PHF8: variants seen among roughly 807,000 people sequenced by gnomAD.
The protein encoded by PHF8 is histone lysine demethylase PHF8.
In PHF8, 9 loss-of-function variants were observed where a neutral mutation model predicts 74.4. That is an observed-to-expected ratio of 0.12 (90% CI 0.07 to 0.21). The LOEUF (loss-of-function observed/expected upper bound fraction) is 0.21, where lower values mean the gene tolerates loss of function less well. PHF8 is among the 10% of genes least tolerant of loss of function. PHF8 has a pLI of 1.00. For missense variants in PHF8, 478 were observed against 816.6 expected, an observed-to-expected ratio of 0.59 and a Z score of 5.05; for synonymous variants, 311 against 316.6, an observed-to-expected ratio of 0.98 and a Z score of 0.19.
chrX:53,993,843 G>C lies in PHF8; in HGVS notation c.1384C>G (p.Pro462Ala), dbSNP rs138652719. The C allele has an allele frequency of 5.9e-5, 71 of 1,206,551 alleles. No individual in the cohort carries two copies. Among genetic ancestry groups the C allele is most frequent in the Non-Finnish European group, 7.3e-5 (65 of 891,865 alleles). ...CTGGTTAGGGGAATGGAGCCGGCTG[G>C]GAAGATCCTCTGCAGCCCAAAGATA... ...SNIFGLQRIFPAGSIPLTRPA... is the reference protein window; with the variant it reads ...SNIFGLQRIFAAGSIPLTRPA... Residue 462 changes from proline (P) to alanine (A), a missense_variant, in exon 13 of 22, where the codon CCA (proline) becomes GCA (alanine). Transcript: ENST00000338154.
chrX:54,045,433 G>T (rs1352330130), upstream of PHF8, among the ~76,000 whole-genome samples: 6 of 112,765 alleles, frequency 5.3e-5, no homozygotes, highest in Non-Finnish European at 9.4e-5. Context: ...ACCAGTGATG[G>T]TGGGGTAGGC....
At chrX:54,027,249 C>T (rs782118141) in intron 2 of PHF8, among the ~76,000 whole-genome samples, 9 of 110,260 alleles carry the variant, frequency 8.2e-5, no homozygotes, top group Non-Finnish European at 1.7e-4. Context: ...CTCCCATCCT[C>T]CCTCCCTTCT....
At chrX:54,010,070 T>C (rs2065960658) in intron 8 of PHF8, among the ~76,000 whole-genome samples, 1 of 109,471 alleles carries the variant, frequency 9.1e-6, no homozygotes, top group African/African-American at 3.3e-5. Context: ...TCCCAGCGCT[T>C]TGGGAGACTG....
chrX:53,944,274 C>T (rs1557084474), intron 19 of PHF8, 31 bp from the exon 20 acceptor site: 6 of 1,047,268 alleles, frequency 5.7e-6, no homozygotes, highest in Non-Finnish European at 8.0e-6. Flanking sequence ...GAAGGTGTCA[C>T]TAAGACATTT....
chrX:54,006,908 C>G (rs1557105481), intron 8 of PHF8, among the ~76,000 whole-genome samples: 1 of 99,292 alleles, frequency 1.0e-5, no homozygotes, highest in East Asian at 3.1e-4. Context: ...CATTGCACTC[C>G]AGCCTCAGCA....
At chrX:53,979,232 A>T (rs1415888935) in intron 18 of PHF8, among the ~76,000 whole-genome samples, 3 of 110,719 alleles carry the variant, frequency 2.7e-5, no homozygotes, top group African/African-American at 9.9e-5. Context: ...AATACACAAA[A>T]TTAGCCAGGC....
intron 21 of PHF8, among the ~76,000 whole-genome samples, chrX:53,939,715 C>T (rs907528072): frequency 9.0e-6 from 1 of 110,967 alleles, no homozygotes; most frequent in African/African-American, 3.3e-5. Context: ...CCTTGAGCTG[C>T]GTACTCTAGG....
intron 1 of PHF8, chrX:54,043,103 G>A: frequency 1.2e-6 from 1 of 829,472 alleles, no homozygotes; most frequent in Non-Finnish European, 1.5e-6. Flanking sequence ...CGGGTTTCAA[G>A]AAAATACCTG....
chrX:54,030,069 GC>G (rs1557112229), intron 2 of PHF8, among the ~76,000 whole-genome samples: 53 of 110,455 alleles, frequency 4.8e-4, no homozygotes, highest in Non-Finnish European at 8.5e-4. Context: ...CCTTTTCCCT[GC>G]TGCTGTGGCA....
chrX:53,959,119 T>C, intron 19 of PHF8, among the ~76,000 whole-genome samples: 1 of 111,873 alleles, frequency 8.9e-6, no homozygotes, highest in African/African-American at 3.2e-5. Flanking sequence ...TGATATAATA[T>C]TAACTTAAAA....
At chrX:53,985,265 T>A in intron 17 of PHF8, 38 bp from the exon 18 acceptor site, 1 of 1,072,746 alleles carries the variant, frequency 9.3e-7, no homozygotes, top group Non-Finnish European at 1.3e-6. Context: ...GAGAGTTGTT[T>A]TTAGCTGTCA....
At chrX:54,026,268 A>G (rs2066264622) in intron 2 of PHF8, among the ~76,000 whole-genome samples, 1 of 106,610 alleles carries the variant, frequency 9.4e-6, no homozygotes, top group Admixed American at 1.0e-4. Flanking sequence ...GCAGGAGAAC[A>G]GCTTGAACCC....
chrX:54,042,770 T>G lies in PHF8; in HGVS notation c.-42A>C. ...AGCGTTCTGCGGCCGGCCAGGTTCG[T>G]CGTGTCAAGAGGGGCGGGAGGCGGC... On this transcript the variant is annotated 5_prime_UTR_variant, in exon 2 of 22. Coordinates refer to ENST00000338154, the MANE Select transcript of PHF8 (RefSeq NM_015107.3). 8.4e-7 allele frequency: 1 copy of G among 1,192,458 alleles called. No individual in the cohort carries two copies. Among genetic ancestry groups the G allele is most frequent in the Non-Finnish European group, 1.1e-6 (1 of 884,431 alleles).
chrX:53,984,069 A>C (rs782147672), intron 18 of PHF8, among the ~76,000 whole-genome samples: 81 of 112,674 alleles, frequency 7.2e-4, no homozygotes, highest in Non-Finnish European at 1.3e-3. Context: ...CTTTTGAAAT[A>C]TTAAAACAAT....
At chrX:54,010,853 T>C (rs1557106564) in intron 8 of PHF8, among the ~76,000 whole-genome samples, 2 of 111,106 alleles carry the variant, frequency 1.8e-5, no homozygotes, top group Non-Finnish European at 3.8e-5. Context: ...GTTACGGGGC[T>C]TAGAGTCATG....
chrX:53,960,534 G>A (rs2065087223), intron 19 of PHF8, among the ~76,000 whole-genome samples: 1 of 107,870 alleles, frequency 9.3e-6, no homozygotes, highest in Non-Finnish European at 1.9e-5. Context: ...CAGATCATGA[G>A]GTCAGGAGTT....
At chrX:53,973,168 A>T (rs1557095113) in intron 18 of PHF8, among the ~76,000 whole-genome samples, 1 of 112,127 alleles carries the variant, frequency 8.9e-6, no homozygotes, top group African/African-American at 3.2e-5. Flanking sequence ...AAGTGGAAAA[A>T]TATTCCATGC....
Position 54,015,297 on chromosome X carries a change from C to G in PHF8, c.597-734G>C, listed in dbSNP as rs1239501790. Among the ~76,000 whole-genome samples the G allele has an allele frequency of 1.3e-4, 15 of 111,298 alleles. No homozygotes were observed. The Admixed American group carries it at 1.4e-3, about 11-fold the overall frequency. On this transcript the variant is annotated intron_variant, in intron 6 of 21. Coordinates refer to ENST00000338154, the MANE Select transcript of PHF8 (RefSeq NM_015107.3). ...ACCTTGCATCTTAAAAACAACAGCG[C>G]CGGGCGCGGTGGCTCACACCTGTAA...
intron 19 of PHF8, among the ~76,000 whole-genome samples, chrX:53,944,998 A>T (rs782563965): frequency 1.6e-3 from 173 of 107,765 alleles, no homozygotes; most frequent in Admixed American, 2.8e-3. Flanking sequence ...CTCCAGCCTC[A>T]GCGACACAGT....
Sources: allele counts gnomAD v4.1 joint callset (sites outside exome capture counted in the v4.1 genomes callset), GRCh38; gene constraint gnomAD v4.1.1; transcripts MANE v1.5; gene names NCBI Gene and HGNC (gene_info 2026-07-23, HGNC 2026-07-21).